Variants in ODAD1 observed in about 807,000 individuals in gnomAD.
ODAD1 encodes the protein outer dynein arm-docking complex subunit 1.
In ODAD1, 49 loss-of-function variants were observed where a neutral mutation model predicts 67.2. The ratio of observed to expected loss-of-function variants is 0.73; its 90% confidence interval spans 0.58 to 0.92. The LOEUF (loss-of-function observed/expected upper bound fraction) is 0.92, where lower values mean the gene tolerates loss of function less well. Ranked by LOEUF, ODAD1 falls within the 40% of genes least tolerant of loss-of-function variation. ODAD1 has a pLI of 0.00. For synonymous variants in ODAD1, 345 were observed against 393.7 expected, an observed-to-expected ratio of 0.88 and a Z score of 1.46; for missense variants, 897 against 953.7, an observed-to-expected ratio of 0.94 and a Z score of 0.78.
chr19:48,301,531 T>TTTTGGTAACTAAGACTAAGAAGAAA (rs752584680), intron 12 of ODAD1, among the ~76,000 whole-genome samples: 2 of 152,222 alleles, frequency 1.3e-5, no homozygotes, highest in Non-Finnish European at 2.9e-5. Context: ...ATAATAACAT[T>TTTTGGTAACTAAGACTAAGAAGAAA]TTTGGTAACT....
intron 7 of ODAD1, among the ~76,000 whole-genome samples, chr19:48,310,817 C>T (rs1968738891): frequency 6.6e-6 from 1 of 152,166 alleles, no homozygotes. Flanking sequence ...TGGCTCACGC[C>T]TCTAATCCCA....
At chr19:48,317,900 G>T (rs989196705) in intron 5 of ODAD1, among the ~76,000 whole-genome samples, 14 of 152,082 alleles carry the variant, frequency 9.2e-5, no homozygotes, top group African/African-American at 3.4e-4. Flanking sequence ...GTAAAATCCT[G>T]TCTCTACTAA....
At chr19:48,312,490 C>T (rs558521509) in intron 5 of ODAD1, among the ~76,000 whole-genome samples, 1 of 141,588 alleles carries the variant, frequency 7.1e-6, no homozygotes, top group Non-Finnish European at 1.5e-5. Context: ...GATCTTGGCT[C>T]ACTGCAACCT....
At chr19:48,300,158 T>C (rs1968422245) in intron 12 of ODAD1, among the ~76,000 whole-genome samples, 1 of 151,814 alleles carries the variant, frequency 6.6e-6, no homozygotes, top group Non-Finnish European at 1.5e-5. Flanking sequence ...ATACCAAAAT[T>C]AGTTGGGCGT....
chr19:48,301,227 T>A (rs1027276455), intron 12 of ODAD1: 1 of 152,214 alleles, frequency 6.6e-6, no homozygotes, highest in Non-Finnish European at 1.5e-5. Flanking sequence ...CATAAAATCT[T>A]GCGACCAGTG....
chr19:48,307,846 G>C (rs191158869), intron 7 of ODAD1, among the ~76,000 whole-genome samples: 3 of 148,396 alleles, frequency 2.0e-5, no homozygotes, highest in Non-Finnish European at 4.5e-5. Flanking sequence ...AAAAGAAAAC[G>C]GTCTCTTAGT....
intron 12 of ODAD1, among the ~76,000 whole-genome samples, chr19:48,298,744 C>T (rs1489879286): frequency 6.6e-6 from 1 of 152,206 alleles, no homozygotes; most frequent in Non-Finnish European, 1.5e-5. Context: ...TGGTCTTGCA[C>T]CCCAGACTGA....
intron 5 of ODAD1, among the ~76,000 whole-genome samples, chr19:48,315,780 G>A (rs971976666): frequency 2.6e-5 from 4 of 152,010 alleles, no homozygotes; most frequent in South Asian, 2.1e-4. Context: ...GATCAAAGGG[G>A]TATCTGGTTT....
At chr19:48,313,434 AAAAAAAAAAAAACC>A (rs895910442) in intron 5 of ODAD1, among the ~76,000 whole-genome samples, 23 of 131,842 alleles carry the variant, frequency 1.7e-4, no homozygotes, top group African/African-American at 6.5e-4. Flanking sequence ...CTCAAAAAAA[AAAAAAAAAAAAACC>A]AAAAAAAAAC....
intron 6 of ODAD1, 134 bp downstream of exon 6, chr19:48,311,860 T>TCC (rs1968773010): frequency 1.1e-6 from 1 of 897,816 alleles, no homozygotes; most frequent in African/African-American, 1.7e-5. Context: ...CTTGGGAACC[T>TCC]CCATCCCTCC....
In ODAD1 at chr19:48,318,596, G is replaced by A; in HGVS notation, c.171-20C>T. On this transcript the variant is annotated intron_variant, in intron 4 of 15. Coordinates refer to ENST00000674294, the MANE Select transcript of ODAD1 (RefSeq NM_001364171.2). ...TCCTCACTACCCAGGCAGGGAGGTG[G>A]AAGAGGGGCCAGTAAGGGGGCAGAA... 1 of 1,549,080 alleles carries A rather than the reference G, an allele frequency of 6.5e-7. No individual in the cohort carries two copies.
At position 48,302,838 on chromosome 19, in the gene ODAD1, G is replaced by A. The variant is rs769393527; in HGVS notation, c.1096C>T (p.Arg366Cys). Reference protein sequence around the residue: ...KEMQEALVSARASKDDQHLLQ... With the variant: ...KEMQEALVSACASKDDQHLLQ... The stretch of plus-strand genomic sequence containing the variant: ...AAATGCTGGTCATCCTTGCTGGCAC[G>A]TGCGCTCACCAAAGCCTCCTGCATC... The change falls in exon 12 of 16, where the codon CGT (arginine) becomes TGT (cysteine). Residue 366 changes from arginine to cysteine, a missense_variant. Coordinates refer to ENST00000674294, the MANE Select transcript of ODAD1 (RefSeq NM_001364171.2). 2.0e-5 allele frequency: 32 copies of A among 1,613,838 alleles called. No homozygotes were observed. The highest frequency in any genetic ancestry group is 2.0e-4 in the South Asian group (18 of 91,090).
At chr19:48,302,420 C>T (rs1323867673) in intron 12 of ODAD1, among the ~76,000 whole-genome samples, 2 of 148,616 alleles carry the variant, frequency 1.3e-5, no homozygotes, top group Non-Finnish European at 3.0e-5. Flanking sequence ...GGATATGGGA[C>T]AGTTGGAGGG....
intron 6 of ODAD1, 81 bp from the exon 7 acceptor site, chr19:48,311,747 A>G (rs544965612): frequency 1.4e-5 from 13 of 929,868 alleles, no homozygotes; most frequent in Admixed American, 6.0e-5. Flanking sequence ...AGGAGGAGAC[A>G]CTTATCAGAG....
intron 5 of ODAD1, among the ~76,000 whole-genome samples, chr19:48,315,611 T>C (rs1451164560): frequency 6.6e-6 from 1 of 152,192 alleles, no homozygotes; most frequent in Non-Finnish European, 1.5e-5. Flanking sequence ...CCATCGCCCC[T>C]AAAAGTTTCC....
At chr19:48,297,956 T>G in intron 14 of ODAD1, 44 bp downstream of exon 14, 4 of 1,483,024 alleles carry the variant, frequency 2.7e-6, no homozygotes, top group Non-Finnish European at 3.7e-6. Flanking sequence ...TCTGCCCCCA[T>G]GGAAGCCCCG....
At position 48,303,113 on chromosome 19, in the gene ODAD1, G is replaced by A. The variant is rs1443723703; in HGVS notation, c.989-18C>T. 2 of 1,591,188 alleles carry A rather than the reference G, an allele frequency of 1.3e-6. No homozygotes were observed. Among genetic ancestry groups the A allele is most frequent in the African/African-American group, 2.7e-5 (2 of 74,476 alleles). ...CTCCTCGACTGGGAGAGTTGGGCAAGGCGGGGCCCAGAGAGAGGGAGACAG... is the reference window on the plus strand; with the variant it reads ...CTCCTCGACTGGGAGAGTTGGGCAAAGCGGGGCCCAGAGAGAGGGAGACAG... On this transcript the variant is annotated intron_variant, in intron 10 of 15. Coordinates refer to ENST00000674294, the MANE Select transcript of ODAD1 (RefSeq NM_001364171.2).
At chr19:48,309,431 C>T (rs1000198128) in intron 7 of ODAD1, among the ~76,000 whole-genome samples, 7 of 152,152 alleles carry the variant, frequency 4.6e-5, no homozygotes, top group Admixed American at 1.3e-4. Context: ...AATCTGCCTG[C>T]GGAGAGGAAC....
At chr19:48,299,838 G>A (rs1230421103) in intron 12 of ODAD1, among the ~76,000 whole-genome samples, 1 of 149,376 alleles carries the variant, frequency 6.7e-6, no homozygotes, top group Non-Finnish European at 1.5e-5. Flanking sequence ...AAAAAAGGAT[G>A]CACAGGTGGA....
Sources: allele counts gnomAD v4.1 joint callset (sites outside exome capture counted in the v4.1 genomes callset), GRCh38; gene constraint gnomAD v4.1.1; transcripts MANE v1.5; gene names NCBI Gene and HGNC (gene_info 2026-07-23, HGNC 2026-07-21).